VWA8: variants seen among roughly 807,000 people sequenced by gnomAD.
VWA8 encodes the protein von Willebrand factor A domain containing 8, also known as von Willebrand factor A domain-containing protein 8.
Under a neutral mutation model 241.5 loss-of-function variants are expected in VWA8, and 221 were observed. The ratio of observed to expected loss-of-function variants is 0.91; its 90% confidence interval spans 0.82 to 1.02. VWA8 has a LOEUF of 1.02. Ranked by LOEUF, VWA8 falls within the 50% of genes least tolerant of loss-of-function variation. VWA8 has a pLI of 0.00. For missense variants in VWA8, 2,322 were observed against 2,328.7 expected, an observed-to-expected ratio of 1.00 and a Z score of 0.06; for synonymous variants, 852 against 827.1, an observed-to-expected ratio of 1.03 and a Z score of -0.52.
chr13:41,777,653 A>G (rs1445565281), intron 20 of VWA8, among the ~76,000 whole-genome samples: 1 of 152,194 alleles, frequency 6.6e-6, no homozygotes, highest in East Asian at 1.9e-4. Flanking sequence ...AGTAGATAAG[A>G]ATGGGCATAA....
chr13:41,889,993 A>G (rs1318367233), intron 5 of VWA8, among the ~76,000 whole-genome samples: 4 of 152,250 alleles, frequency 2.6e-5, no homozygotes, highest in Non-Finnish European at 5.9e-5. Flanking sequence ...AACAACATGA[A>G]TCAATGAATT....
intron 17 of VWA8, among the ~76,000 whole-genome samples, chr13:41,797,873 A>T (rs1593779084): frequency 1.3e-5 from 2 of 152,234 alleles, no homozygotes; most frequent in Admixed American, 1.3e-4. Context: ...TCTAACTGTT[A>T]TCTGGAAAGT....
chr13:41,853,899 T>A (rs930323024), intron 12 of VWA8, among the ~76,000 whole-genome samples: 2 of 152,206 alleles, frequency 1.3e-5, no homozygotes, highest in South Asian at 4.1e-4. Flanking sequence ...TTGAAAAGCG[T>A]GTTGTCCATG....
chr13:41,864,703 A>T, intron 12 of VWA8: 1 of 349,790 alleles, frequency 2.9e-6, no homozygotes, highest in South Asian at 2.3e-5. Context: ...CTGTTTAATG[A>T]GTACAGAGTT....
At chr13:41,593,040 T>C (rs1413726854) in intron 40 of VWA8, among the ~76,000 whole-genome samples, 2 of 152,186 alleles carry the variant, frequency 1.3e-5, no homozygotes, top group Non-Finnish European at 2.9e-5. Flanking sequence ...CAGTGTTTCA[T>C]GGGAGGTGGC....
At chr13:41,830,853 T>C (rs1426069153) in intron 13 of VWA8, among the ~76,000 whole-genome samples, 1 of 151,788 alleles carries the variant, frequency 6.6e-6, no homozygotes, top group Non-Finnish European at 1.5e-5. Context: ...TAGTCATAAA[T>C]ATTTGATAGG....
At chr13:41,786,692 CA>C (rs1293352898) in intron 18 of VWA8, among the ~76,000 whole-genome samples, 1 of 152,124 alleles carries the variant, frequency 6.6e-6, no homozygotes, top group East Asian at 1.9e-4. Context: ...CTTATTTCCT[CA>C]ATACCAAATT....
At chr13:41,571,315 C>CTCTCCCTCCTCCA (rs1566370831) in intron 43 of VWA8, among the ~76,000 whole-genome samples, 1 of 105,854 alleles carries the variant, frequency 9.4e-6, no homozygotes, top group African/African-American at 3.6e-5. Context: ...TCCCTCCTCC[C>CTCTCCCTCCTCCA]TCTCCCTCTC....
chr13:41,830,725 C>G, intron 13 of VWA8, 83 bp from the exon 14 acceptor site: 1 of 1,199,272 alleles, frequency 8.3e-7, no homozygotes. Context: ...AGTCAGCCAA[C>G]AGTCTATTAT....
chr13:41,787,408 TAAAA>T (rs761863518), intron 18 of VWA8, 25 bp downstream of exon 18: 2 of 1,507,650 alleles, frequency 1.3e-6, no homozygotes, highest in South Asian at 2.3e-5. Flanking sequence ...TTATTTCACT[TAAAA>T]AAAAGAGCCA....
intron 9 of VWA8, among the ~76,000 whole-genome samples, chr13:41,872,086 T>G (rs986108871): frequency 1.6e-4 from 24 of 152,376 alleles, no homozygotes; most frequent in African/African-American, 4.3e-4. Flanking sequence ...ATGTGTCTTT[T>G]GGCTGCATAA....
intron 21 of VWA8, among the ~76,000 whole-genome samples, chr13:41,753,966 T>C (rs2137896057): frequency 1.3e-5 from 2 of 152,274 alleles, no homozygotes; most frequent in Middle Eastern, 3.4e-3. Flanking sequence ...TGAGCTAAAA[T>C]GTTATAGCAA....
At chr13:41,847,402 G>A (rs184297330) in intron 12 of VWA8, among the ~76,000 whole-genome samples, 62 of 152,276 alleles carry the variant, frequency 4.1e-4, no homozygotes, top group Admixed American at 2.4e-3. Context: ...TGAAGATCAG[G>A]CAAGAATATT....
chr13:41,572,601 T>C (rs1264774108), intron 43 of VWA8, among the ~76,000 whole-genome samples: 1 of 151,670 alleles, frequency 6.6e-6, no homozygotes, highest in African/African-American at 2.4e-5. Flanking sequence ...GGCAGCATGC[T>C]CCTTAAGAGT....
intron 37 of VWA8, among the ~76,000 whole-genome samples, chr13:41,638,553 G>A (rs1488503530): frequency 6.6e-6 from 1 of 152,094 alleles, no homozygotes; most frequent in Non-Finnish European, 1.5e-5. Context: ...TCAATGAAGA[G>A]GGAACATGCT....
At chr13:41,692,013 T>C in intron 30 of VWA8, 75 bp from the exon 31 acceptor site, 1 of 943,806 alleles carries the variant, frequency 1.1e-6, no homozygotes, top group Non-Finnish European at 1.7e-6. Flanking sequence ...CTACTTCCCC[T>C]TAAATAAAAT....
intron 34 of VWA8, among the ~76,000 whole-genome samples, chr13:41,688,102 T>C (rs949456452): frequency 9.9e-5 from 15 of 152,120 alleles, no homozygotes; most frequent in African/African-American, 3.4e-4. Context: ...TCAAGGCTGC[T>C]ATAAACACTG....
chr13:41,848,701 T>G (rs972406171), intron 12 of VWA8, among the ~76,000 whole-genome samples: 3 of 152,006 alleles, frequency 2.0e-5, no homozygotes, highest in Non-Finnish European at 4.4e-5. Context: ...TAAACCTCTT[T>G]CCTTTAAAAT....
At chr13:41,663,363 T>G (rs762300527) in intron 37 of VWA8, among the ~76,000 whole-genome samples, 2 of 152,180 alleles carry the variant, frequency 1.3e-5, no homozygotes, top group African/African-American at 4.8e-5. Context: ...TTTTGACTTG[T>G]TATTATTTTG....
Sources: gnomAD v4.1 joint callset for allele counts (sites outside exome capture counted in the v4.1 genomes callset) on GRCh38, gnomAD v4.1.1 for gene constraint, MANE v1.5 for transcripts, NCBI Gene and HGNC (gene_info 2026-07-23, HGNC 2026-07-21) for gene names.